Variants in MYEF2 observed in about 807,000 individuals in gnomAD.
The protein encoded by MYEF2 is myelin expression factor 2, also known as myelin gene expression factor 2.
In MYEF2, 37 loss-of-function variants were observed where a neutral mutation model predicts 75.2. The observed-to-expected ratio is 0.49, with a 90% CI of 0.38 to 0.65. The LOEUF is 0.65. Among genes scored for constraint, MYEF2 ranks in the 30% least tolerant of loss-of-function variants. MYEF2 has a pLI of 0.00. For synonymous variants in MYEF2, 195 were observed against 241.6 expected, an observed-to-expected ratio of 0.81 and a Z score of 1.79; for missense variants, 634 against 771.4, an observed-to-expected ratio of 0.82 and a Z score of 2.11.
Position 48,141,184 on chromosome 15 carries a change from A to C in MYEF2, c.*1724T>G, listed in dbSNP as rs2039068974. On this transcript the variant is annotated 3_prime_UTR_variant, in exon 17 of 17. Transcript: ENST00000324324. ...AGCAGCAGGAACAAGCATACCAGAC[A>C]CAATTGCAAGTGTGTTGGTTGCAAG... 1.9e-6 allele frequency: 3 copies of C among 1,613,932 alleles called. No homozygotes were observed. The East Asian group carries it at 6.7e-5, about 36-fold the overall frequency.
At position 48,149,489 on chromosome 15, in the gene MYEF2, G is replaced by C; in HGVS notation, c.1379-118C>G. On this transcript the variant is annotated intron_variant, in intron 14 of 16. Coordinates refer to ENST00000324324, the MANE Select transcript of MYEF2 (RefSeq NM_016132.5). The surrounding 1 kb of genome is among the most constrained non-coding windows in gnomAD (Gnocchi z 4.0). ...GGAGATAAACATTTTTGAGAAAGAA[G>C]GGGGAAATTAATTTGTTTATATAAT... The C allele has an allele frequency of 3.1e-6, 2 of 651,422 alleles. No individual in the cohort carries two copies. The highest frequency in any genetic ancestry group is 5.0e-6 in the Non-Finnish European group (2 of 396,594). 40.4% of individuals were successfully genotyped at this position (651,422 alleles called of 1,614,324 possible). A position where few individuals can be genotyped will look rare whatever the true frequency, so the allele number is the denominator to read the frequency against.
chr15:48,163,624 A>T (rs1468931315), intron 5 of MYEF2, among the ~76,000 whole-genome samples: 1 of 152,194 alleles, frequency 6.6e-6, no homozygotes, highest in Non-Finnish European at 1.5e-5. Flanking sequence ...GCCATCTAGG[A>T]CTTTCAGAGT....
Position 48,142,761 on chromosome 15 carries a change from T to G in MYEF2, c.*147A>C. 1.3e-6 allele frequency: 1 copy of G among 753,198 alleles called. No homozygotes were observed. Among genetic ancestry groups the G allele is most frequent in the Non-Finnish European group, 2.0e-6 (1 of 503,220 alleles). The allele number at this position is 753,198 out of a possible 1,614,324, so 46.7% of individuals were successfully genotyped here. ...AGATTAACAAAAATTACAGTATATT[T>G]TTAACATTATACTGTTAAAAGCTGG... On this transcript the variant is annotated 3_prime_UTR_variant, in exon 17 of 17. Transcript: ENST00000324324.
chr15:48,155,592 C>A (rs2039663313), intron 9 of MYEF2, among the ~76,000 whole-genome samples: 1 of 151,552 alleles, frequency 6.6e-6, no homozygotes, highest in Non-Finnish European at 1.5e-5. Flanking sequence ...AAAAATGTGC[C>A]ATATGGTAGG....
chr15:48,151,473 C>G lies in MYEF2; in HGVS notation c.1306G>C (p.Gly436Arg). 1 of 1,611,670 alleles carries G rather than the reference C, an allele frequency of 6.2e-7. No homozygotes were observed. Among genetic ancestry groups the G allele is most frequent in the Non-Finnish European group, 8.5e-7 (1 of 1,178,034 alleles). The change falls in exon 13 of 17, where the codon GGC (glycine) becomes CGC (arginine). Residue 436 changes from glycine (G) to arginine (R), a missense_variant and splice_region_variant. Physicochemically the swap from Gly to Arg is moderately radical, Grantham distance 125. Coordinates refer to ENST00000324324, the MANE Select transcript of MYEF2 (RefSeq NM_016132.5). Reference sequence around the variant, plus strand: ...AGGAGAAGTATGCAGCCAGCCCTACCAAGTCTACCAAAGGAATCTCCAAAG... The same window carrying G: ...AGGAGAAGTATGCAGCCAGCCCTACGAAGTCTACCAAAGGAATCTCCAAAG... ...RGFGDSFGRLGSAMIGGFAGR... is the reference protein window; with the variant it reads ...RGFGDSFGRLRSAMIGGFAGR...
At position 48,151,183 on chromosome 15, in the gene MYEF2, T is replaced by C; in HGVS notation, c.1307-12A>G. 6.3e-7 allele frequency: 1 copy of C among 1,599,870 alleles called. No homozygotes were observed. Among genetic ancestry groups the C allele is most frequent in the Non-Finnish European group, 8.5e-7 (1 of 1,171,048 alleles). On this transcript the variant is annotated splice_polypyrimidine_tract_variant and intron_variant, in intron 13 of 16. Coordinates refer to ENST00000324324, the MANE Select transcript of MYEF2 (RefSeq NM_016132.5). ...AATCATTGCACTGCCTAAACAAGGA[T>C]GGAAAGATAATATACTAATTAATTT...
chr15:48,146,377 G>T (rs1185428623), intron 16 of MYEF2, among the ~76,000 whole-genome samples: 2 of 151,854 alleles, frequency 1.3e-5, no homozygotes, highest in Non-Finnish European at 2.9e-5. Context: ...GGTCAAAAAT[G>T]TTACCTTTAG....
intron 3 of MYEF2, among the ~76,000 whole-genome samples, chr15:48,166,601 C>T (rs2059956934): frequency 6.6e-6 from 1 of 151,888 alleles, no homozygotes; most frequent in Non-Finnish European, 1.5e-5. Flanking sequence ...ACTGGCTGCA[C>T]ATTTAACAGC....
chr15:48,176,851 T>C (rs2040544369), intron 1 of MYEF2, among the ~76,000 whole-genome samples: 1 of 152,162 alleles, frequency 6.6e-6, no homozygotes, highest in South Asian at 2.1e-4. Flanking sequence ...AGGAATAAAC[T>C]CCACTAAGTT....
rs759019842 is a variant in MYEF2 at position 48,151,524 on chromosome 15, G to T, written c.1255C>A (p.Arg419Ser). The change falls in exon 13 of 17, where the codon CGT becomes AGT. Residue 419 changes from arginine (R) to serine (S), a missense_variant. Arg to Ser is a moderately radical substitution (Grantham distance 110). Transcript: ENST00000324324. Reference protein sequence around the residue: ...MTSSMERDFGRGDIGINRGFG... With the variant: ...MTSSMERDFGSGDIGINRGFG... ...CCTCGATTTATTCCAATATCACCAC[G>T]TCCAAAATCTCGCTCCATGCTACTA... is the stretch of plus-strand genomic sequence containing the variant. The T allele has an allele frequency of 6.2e-7, 1 of 1,612,822 alleles. No individual in the cohort carries two copies. The highest frequency in any genetic ancestry group is 8.5e-7 in the Non-Finnish European group (1 of 1,179,250).
chr15:48,177,799 A>C (rs2140957767), intron 1 of MYEF2, among the ~76,000 whole-genome samples: 1 of 152,154 alleles, frequency 6.6e-6, no homozygotes, highest in East Asian at 1.9e-4. Flanking sequence ...AAAGTCAGGG[A>C]AGAGGGGTGT....
chr15:48,158,700 C>A (rs1420216654), intron 7 of MYEF2, 69 bp downstream of exon 7: 8 of 1,577,058 alleles, frequency 5.1e-6, no homozygotes, highest in Non-Finnish European at 5.2e-6. Flanking sequence ...CAATTACCCC[C>A]CGCCAAAACA....
intron 3 of MYEF2, among the ~76,000 whole-genome samples, chr15:48,166,925 C>A (rs2040153542): frequency 6.6e-6 from 1 of 151,978 alleles, no homozygotes; most frequent in African/African-American, 2.4e-5. Context: ...CTCATGTAGT[C>A]CTGCAGGCTA....
intron 16 of MYEF2, among the ~76,000 whole-genome samples, chr15:48,148,160 T>C (rs2039360423): frequency 6.6e-6 from 1 of 152,034 alleles, no homozygotes; most frequent in Admixed American, 6.6e-5. Context: ...AGAAATTATA[T>C]ATATGCTATC....
At chr15:48,171,606 C>CA (rs1360780913) in intron 1 of MYEF2, among the ~76,000 whole-genome samples, 4 of 149,970 alleles carry the variant, frequency 2.7e-5, no homozygotes, top group Non-Finnish European at 5.9e-5. Context: ...CAGTGTATAA[C>CA]AAAAAAAGAA....
chr15:48,149,069 C>A lies in MYEF2; in HGVS notation c.1602G>T (p.Leu534Phe). 1.2e-6 allele frequency: 2 copies of A among 1,613,050 alleles called. No individual in the cohort carries two copies. The highest frequency in any genetic ancestry group is 2.2e-5 in the South Asian group (2 of 91,030). ...ATTTCTCTTTTAGTTTCTGCCAAGTCAAGTCAAAAGGTAGCTAGAATGAAA... is the reference window on the plus strand; with the variant it reads ...ATTTCTCTTTTAGTTTCTGCCAAGTAAAGTCAAAAGGTAGCTAGAATGAAA... The part of the protein sequence containing the change: ...QIFVRNLPFD[L>F]TWQKLKEKFS... Residue 534 changes from leucine to phenylalanine, a missense_variant, in exon 16 of 17, where the codon TTG becomes TTT. Transcript: ENST00000324324. The surrounding 1 kb of genome is among the most constrained non-coding windows in gnomAD (Gnocchi z 4.0).
At position 48,155,771 on chromosome 15, in the gene MYEF2, GT is replaced by G. The variant is rs2039671677; in HGVS notation, c.986-1879del. 2.7e-5 allele frequency among the ~76,000 whole-genome samples: 3 copies of G among 109,192 alleles called. 1 individual carries two copies. The highest frequency in any genetic ancestry group is 7.1e-4 in the South Asian group (2 of 2,808). 71.6% of individuals were successfully genotyped at this position (109,192 alleles called of 152,430 possible). ...CATGGCTCAATAAGAAATCATAATG[GT>G]AATTTTTTTTTTTTTTTTTTGAGAC... is the stretch of plus-strand genomic sequence containing the variant. On this transcript the variant is annotated intron_variant, in intron 9 of 16. Coordinates refer to ENST00000324324, the MANE Select transcript of MYEF2 (RefSeq NM_016132.5).
At chr15:48,166,243 G>T in intron 3 of MYEF2, 115 bp from the exon 4 acceptor site, 1 of 804,844 alleles carries the variant, frequency 1.2e-6, no homozygotes, top group Non-Finnish European at 1.9e-6. Context: ...TAATATGGTA[G>T]AATCACTTCA....
At chr15:48,151,005 G>T in intron 14 of MYEF2, 95 bp downstream of exon 14, 1 of 737,460 alleles carries the variant, frequency 1.4e-6, no homozygotes, top group East Asian at 2.8e-5. Flanking sequence ...TAACGTATAA[G>T]AACAAAGTAT....
Sources: allele counts gnomAD v4.1 joint callset (sites outside exome capture counted in the v4.1 genomes callset), GRCh38; gene constraint gnomAD v4.1.1; non-coding constraint Gnocchi (gnomAD v3.1); transcripts MANE v1.5; gene names NCBI Gene and HGNC (gene_info 2026-07-23, HGNC 2026-07-21).